ADARB2: variants seen among roughly 807,000 people sequenced by gnomAD.
ADARB2 encodes adenosine deaminase RNA specific B2 (inactive), also known as inactive double-stranded RNA-specific editase B2.
A neutral mutation model predicts 62.2 loss-of-function variants in ADARB2; 25 were observed. That is an observed-to-expected ratio of 0.40 (90% CI 0.29 to 0.56). The LOEUF is 0.56. ADARB2 is among the 20% of genes least tolerant of loss of function. The pLI, the probability that ADARB2 is intolerant of heterozygous loss-of-function variation, is 0.43. For missense variants in ADARB2, 1,071 were observed against 1,077.4 expected (o/e 0.99, Z 0.08); for synonymous variants, 572 against 500.8 (o/e 1.14, Z -1.90).
chr10:1,724,813 G>A (rs919238792), intron 1 of ADARB2, among the ~76,000 whole-genome samples: 18 of 152,274 alleles, frequency 1.2e-4, no homozygotes, highest in African/African-American at 3.9e-4. Context: ...TAATAAGCAG[G>A]GGTGTCGTAG....
chr10:1,712,096 G>T (rs775277664), intron 1 of ADARB2, among the ~76,000 whole-genome samples: 8 of 152,172 alleles, frequency 5.3e-5, no homozygotes, highest in Admixed American at 2.0e-4. Context: ...TTTGTAAGAT[G>T]TATTAAGAAA....
chr10:1,367,625 T>G (rs571772614), intron 2 of ADARB2, among the ~76,000 whole-genome samples: 1 of 152,268 alleles, frequency 6.6e-6, no homozygotes, highest in African/African-American at 2.4e-5. Flanking sequence ...ATTTTCCAAA[T>G]TGAACTTAAA....
chr10:1,362,364 G>A (rs1832265989), intron 3 of ADARB2, among the ~76,000 whole-genome samples: 1 of 152,218 alleles, frequency 6.6e-6, no homozygotes, highest in Admixed American at 6.5e-5. Context: ...CTTGCTGTGT[G>A]GGTTTTGTCC....
rs567864601 is a variant in ADARB2, at chr10:1,661,028, C to T, written c.100+76023G>A. 8.0e-4 allele frequency among the ~76,000 whole-genome samples: 122 copies of T among 152,258 alleles called. 1 individual carries two copies. The highest frequency in any genetic ancestry group is 2.9e-3 in the African/African-American group (119 of 41,542). On this transcript the variant is annotated intron_variant, in intron 1 of 9. Transcript: ENST00000381312. ...TCGTCTCCAAACAGAGGCATTCCAA[C>T]CCTGCAATAAACTTTCCCTCACACA...
chr10:1,433,281 C>T (rs1432325395), intron 1 of ADARB2, among the ~76,000 whole-genome samples: 1 of 152,152 alleles, frequency 6.6e-6, no homozygotes, highest in South Asian at 2.1e-4. Flanking sequence ...GTGCCCAGGA[C>T]ATCTTGCATG....
intron 1 of ADARB2, among the ~76,000 whole-genome samples, chr10:1,721,933 C>T (rs150365833): frequency 6.6e-6 from 1 of 152,306 alleles, no homozygotes; most frequent in African/African-American, 2.4e-5. Context: ...GAGATTGATA[C>T]TTACTGGCTC....
At chr10:1,713,432 G>T (rs1362301866) in intron 1 of ADARB2, among the ~76,000 whole-genome samples, 1 of 152,196 alleles carries the variant, frequency 6.6e-6, no homozygotes, top group Non-Finnish European at 1.5e-5. Flanking sequence ...AGGGGGCGAA[G>T]CTTGGTGAAG....
intron 1 of ADARB2, among the ~76,000 whole-genome samples, chr10:1,499,779 C>T (rs1489563175): frequency 6.6e-6 from 1 of 152,112 alleles, no homozygotes. Flanking sequence ...TCACTCATTA[C>T]TCACTCATCA....
intron 1 of ADARB2, among the ~76,000 whole-genome samples, chr10:1,395,998 C>T (rs1308817650): frequency 6.6e-6 from 1 of 152,218 alleles, no homozygotes; most frequent in Non-Finnish European, 1.5e-5. Context: ...ACATTGTCTG[C>T]TCTGAGTCCA....
chr10:1,333,517 A>AT (rs750416663), intron 3 of ADARB2, among the ~76,000 whole-genome samples: 1 of 152,170 alleles, frequency 6.6e-6, no homozygotes, highest in Non-Finnish European at 1.5e-5. Flanking sequence ...TTTTGAGGGT[A>AT]TTTTTTAGTC....
At position 1,409,192 on chromosome 10, in the gene ADARB2, G is replaced by A. The variant is rs561367676; in HGVS notation, c.101-30032C>T. On this transcript the variant is annotated intron_variant, in intron 1 of 9. Transcript: ENST00000381312. ...CAGGTATCTCTGCCTTCCTCGACCC[G>A]CCCTGCCTGACAGCGGGCTCCCACC... Among the ~76,000 whole-genome samples the A allele has an allele frequency of 5.8e-3, 550 of 94,062 alleles. 3 individuals are homozygous for A. Among genetic ancestry groups the A allele is most frequent in the Non-Finnish European group, 9.1e-3 (356 of 38,960 alleles). 61.7% of individuals were successfully genotyped at this position (94,062 alleles called of 152,430 possible). A position where few individuals can be genotyped will look rare whatever the true frequency, so the allele number is the denominator to read the frequency against.
At chr10:1,651,200 C>T (rs1834105074) in intron 1 of ADARB2, among the ~76,000 whole-genome samples, 2 of 152,238 alleles carry the variant, frequency 1.3e-5, no homozygotes, top group South Asian at 4.1e-4. Context: ...CAGATGGGCC[C>T]AATTAAACTA....
intron 1 of ADARB2, among the ~76,000 whole-genome samples, chr10:1,538,316 G>A (rs2131965878): frequency 6.6e-6 from 1 of 152,284 alleles, no homozygotes; most frequent in South Asian, 2.1e-4. Context: ...GTCCCACAGG[G>A]GTCTTGATCT....
chr10:1,491,716 C>T (rs1380896905), intron 1 of ADARB2, among the ~76,000 whole-genome samples: 1 of 152,172 alleles, frequency 6.6e-6, no homozygotes, highest in Non-Finnish European at 1.5e-5. Context: ...TTTGTGTATA[C>T]ATGCTACCCC....
At chr10:1,471,941 C>CA (rs1177398972) in intron 1 of ADARB2, among the ~76,000 whole-genome samples, 2 of 151,988 alleles carry the variant, frequency 1.3e-5, no homozygotes, top group Admixed American at 6.5e-5. Context: ...GTCATTTGAC[C>CA]AAAAAAGTAC....
chr10:1,328,966 C>T (rs1212193106), intron 3 of ADARB2, among the ~76,000 whole-genome samples: 1 of 141,506 alleles, frequency 7.1e-6, no homozygotes, highest in African/African-American at 2.7e-5. Context: ...CACTGCACTC[C>T]AGCTGGGGTG....
chr10:1,647,137 G>A (rs1162089938), intron 1 of ADARB2, among the ~76,000 whole-genome samples: 1 of 152,256 alleles, frequency 6.6e-6, no homozygotes, highest in East Asian at 1.9e-4. Flanking sequence ...TTACTGCAGA[G>A]ACCCTCCCCA....
chr10:1,312,654 C>T lies in ADARB2; in HGVS notation c.1078-41585G>A, dbSNP rs1831703028. Among the ~76,000 whole-genome samples, 2 of 152,198 alleles carry T rather than the reference C, an allele frequency of 1.3e-5. 1 individual carries two copies. The highest frequency in any genetic ancestry group is 4.1e-4 in the South Asian group (2 of 4,822). On this transcript the variant is annotated intron_variant, in intron 3 of 9. Coordinates refer to ENST00000381312, the MANE Select transcript of ADARB2 (RefSeq NM_018702.4). ...TTTGAGGTAGGCGCTGCCACGTTTC[C>T]CATTTAGAGGGGAGGAAAAAGACGC... is the stretch of plus-strand genomic sequence containing the variant.
rs1201722588 is a variant in ADARB2 at position 1,185,008 on chromosome 10, C to A, written c.1896G>T (p.Gly632=). The A allele has an allele frequency of 6.2e-7, 1 of 1,613,198 alleles. No homozygotes were observed. The highest frequency in any genetic ancestry group is 1.1e-5 in the South Asian group (1 of 91,042). ...GVSDAEARQP[G]KSPPFSMNWV... ...AGTTCATGCTGAAGGGGGGCGACTT[C>A]CCCGGCTGGCGCGCCTCGGCGTCAC... The change falls in exon 9 of 10, where the codon GGG becomes GGT. Residue 632 remains glycine (G), a synonymous_variant. Transcript: ENST00000381312.
Sources: gnomAD v4.1 joint callset for allele counts (sites outside exome capture counted in the v4.1 genomes callset) on GRCh38, gnomAD v4.1.1 for gene constraint, MANE v1.5 for transcripts, NCBI Gene and HGNC (gene_info 2026-07-23, HGNC 2026-07-21) for gene names.